Variants in AFF2 observed in about 807,000 individuals in gnomAD.
The protein encoded by AFF2 is ALF transcription elongation factor 2, also known as AF4/FMR2 family member 2.
AFF2 carries 14 observed loss-of-function variants against 76.9 expected under a neutral mutation model. The ratio of observed to expected loss-of-function variants is 0.18; its 90% CI spans 0.12 to 0.28. AFF2 has a LOEUF of 0.28. Ranked by LOEUF, AFF2 falls within the 10% of genes least tolerant of loss-of-function variation. The pLI is 1.00. For missense variants in AFF2, 868 were observed against 1,001.1 expected, an observed-to-expected ratio of 0.87 and a Z score of 1.79; for synonymous variants, 398 against 366.7, an observed-to-expected ratio of 1.09 and a Z score of -0.98.
intron 3 of AFF2, among the ~76,000 whole-genome samples, chrX:148,733,407 C>A (rs923167315): frequency 3.6e-5 from 4 of 110,677 alleles, no homozygotes; most frequent in Non-Finnish European, 7.5e-5. Flanking sequence ...TGCATTCATT[C>A]ATTCATTCAT....
chrX:148,608,572 G>A (rs1390277752), intron 1 of AFF2, among the ~76,000 whole-genome samples: 1 of 109,281 alleles, frequency 9.2e-6, no homozygotes, highest in Non-Finnish European at 1.9e-5. Context: ...CTGGAGTGCA[G>A]TGGCGTGATT....
Position 148,533,494 on chromosome X carries a change from G to C in AFF2, c.47+32350G>C, listed in dbSNP as rs530072053. Among the ~76,000 whole-genome samples the C allele has an allele frequency of 1.4e-3, 153 of 110,835 alleles. 3 individuals carry two copies. The South Asian group carries it at 0.057, about 42-fold the overall frequency. On this transcript the variant is annotated intron_variant, in intron 1 of 20. Transcript: ENST00000370460. ...TTTTTAGTAGAGATGGGGTTGCACC[G>C]TGTTAGCCAGGATGGTCTTGATCTC...
intron 1 of AFF2, among the ~76,000 whole-genome samples, chrX:148,515,869 C>T (rs2052528909): frequency 9.0e-6 from 1 of 111,671 alleles, no homozygotes; most frequent in African/African-American, 3.3e-5. Context: ...AGGCCAACCC[C>T]TTGTTCAGTC....
intron 1 of AFF2, among the ~76,000 whole-genome samples, chrX:148,527,027 T>C (rs2052668280): frequency 8.9e-6 from 1 of 112,019 alleles, no homozygotes; most frequent in South Asian, 3.7e-4. Flanking sequence ...TTTACATAAT[T>C]TCTAAGTATT....
chrX:148,544,523 T>A (rs1054749477), intron 1 of AFF2, among the ~76,000 whole-genome samples: 1 of 112,478 alleles, frequency 8.9e-6, no homozygotes, highest in Non-Finnish European at 1.9e-5. Context: ...TTTGCCTCTG[T>A]CTTAGGGATT....
At chrX:148,605,325 A>G (rs782793650) in intron 1 of AFF2, among the ~76,000 whole-genome samples, 11 of 112,189 alleles carry the variant, frequency 9.8e-5, no homozygotes, top group African/African-American at 3.6e-4. Context: ...GTTACAAATA[A>G]GCAAAGGGGG....
chrX:148,904,432 A>G (rs2071387182), intron 9 of AFF2, 174 bp downstream of exon 9: 2 of 392,809 alleles, frequency 5.1e-6, no homozygotes, highest in Non-Finnish European at 8.8e-6. Flanking sequence ...ACCAGCTTAT[A>G]TTTTTCCCTG....
At chrX:148,570,942 A>G (rs1438145703) in intron 1 of AFF2, among the ~76,000 whole-genome samples, 1 of 111,155 alleles carries the variant, frequency 9.0e-6, no homozygotes, top group East Asian at 2.8e-4. Context: ...TACTAGTCAT[A>G]TTGGATTAGG....
At chrX:148,624,269 A>G (rs2053900044) in intron 1 of AFF2, among the ~76,000 whole-genome samples, 1 of 111,347 alleles carries the variant, frequency 9.0e-6, no homozygotes, top group Admixed American at 9.6e-5. Flanking sequence ...CTCCTTTAGC[A>G]CCTAATTTTG....
intron 1 of AFF2, among the ~76,000 whole-genome samples, chrX:148,612,567 T>TA (rs2053745323): frequency 8.9e-6 from 1 of 112,083 alleles, no homozygotes; most frequent in Non-Finnish European, 1.9e-5. Flanking sequence ...TCTAGAGACT[T>TA]ACAAGGTTAA....
rs1569551649 is a variant in AFF2 at position 148,581,387 on chromosome X, CGT to C, written c.48-70611_48-70610del. The stretch of plus-strand genomic sequence containing the variant: ...ACGTATACGTGTACACACATATACA[CGT>C]ATATACGTATACGTGTACACACATA... On this transcript the variant is annotated intron_variant, in intron 1 of 20. Coordinates refer to ENST00000370460, the MANE Select transcript of AFF2 (RefSeq NM_002025.4). Among the ~76,000 whole-genome samples the C allele has an allele frequency of 1.3e-4, 4 of 30,496 alleles. 1 individual carries two copies. Among genetic ancestry groups the C allele is most frequent in the Non-Finnish European group, 2.2e-4 (3 of 13,714 alleles). The allele number at this position is 30,496 out of a possible 115,157, so 26.5% of individuals were successfully genotyped here.
chrX:148,651,962 A>G (rs1557256389), intron 1 of AFF2, 37 bp from the exon 2 acceptor site: 1 of 1,124,526 alleles, frequency 8.9e-7, no homozygotes, highest in Non-Finnish European at 1.2e-6. Context: ...TGATTAATTA[A>G]TCTTTTTCTC....
At chrX:148,873,115 T>A (rs2070997635) in intron 7 of AFF2, among the ~76,000 whole-genome samples, 1 of 111,656 alleles carries the variant, frequency 9.0e-6, no homozygotes, top group Non-Finnish European at 1.9e-5. Context: ...AGGTGATTTA[T>A]ACTGTTGAGA....
intron 1 of AFF2, among the ~76,000 whole-genome samples, chrX:148,532,643 G>A (rs2052742026): frequency 8.9e-6 from 1 of 112,534 alleles, no homozygotes; most frequent in Non-Finnish European, 1.9e-5. Flanking sequence ...GTAGCATTTA[G>A]CAAGAAGTCA....
At chrX:148,533,667 C>G (rs1363604648) in intron 1 of AFF2, among the ~76,000 whole-genome samples, 3 of 111,620 alleles carry the variant, frequency 2.7e-5, no homozygotes, top group Non-Finnish European at 5.6e-5. Context: ...AGTGATCTTC[C>G]TGAAAATTGA....
chrX:148,980,160 A>G (rs2072374680), intron 18 of AFF2, among the ~76,000 whole-genome samples: 1 of 112,397 alleles, frequency 8.9e-6, no homozygotes, highest in Non-Finnish European at 1.9e-5. Context: ...CAGAGGAACA[A>G]AGGCATATTT....
intron 1 of AFF2, among the ~76,000 whole-genome samples, chrX:148,518,036 A>G (rs1200838009): frequency 9.0e-6 from 1 of 110,905 alleles, no homozygotes; most frequent in African/African-American, 3.3e-5. Context: ...AAAAAAAAAA[A>G]AAAGAAAATA....
chrX:148,563,681 A>G (rs1557241153), intron 1 of AFF2, among the ~76,000 whole-genome samples: 1 of 112,269 alleles, frequency 8.9e-6, no homozygotes, highest in Non-Finnish European at 1.9e-5. Flanking sequence ...AGTAAGTTTT[A>G]TCTCTGGTGA....
At chrX:148,722,246 C>G (rs979442277) in intron 3 of AFF2, among the ~76,000 whole-genome samples, 9 of 111,167 alleles carry the variant, frequency 8.1e-5, no homozygotes, top group Non-Finnish European at 1.5e-4. Flanking sequence ...CAACAAAAAC[C>G]CACAAGATTT....
Sources: allele counts gnomAD v4.1 joint callset (sites outside exome capture counted in the v4.1 genomes callset), GRCh38; gene constraint gnomAD v4.1.1; transcripts MANE v1.5; gene names NCBI Gene and HGNC (gene_info 2026-07-23, HGNC 2026-07-21).